Variants in MDN1 observed in about 807,000 individuals in gnomAD.
MDN1 encodes the protein midasin.
In MDN1, 266 loss-of-function variants were observed where a neutral mutation model predicts 669.2. The ratio of observed to expected loss-of-function variants is 0.40; its 90% CI spans 0.36 to 0.44. The LOEUF is 0.44. MDN1 is among the 20% of genes least tolerant of loss of function. The pLI is 1.00. For synonymous variants in MDN1, 2,385 were observed against 2,457.1 expected, an observed-to-expected ratio of 0.97 and a Z score of 0.87; for missense variants, 5,940 against 6,754.0, an observed-to-expected ratio of 0.88 and a Z score of 4.22.
chr6:89,708,845 T>G (rs1813692555), intron 50 of MDN1, among the ~76,000 whole-genome samples: 1 of 152,138 alleles, frequency 6.6e-6, no homozygotes, highest in Admixed American at 6.5e-5. Context: ...GCAAAGTATC[T>G]GTATGTCCTG....
chr6:89,712,809 T>C, intron 47 of MDN1, 23 bp from the exon 48 acceptor site: 1 of 1,599,588 alleles, frequency 6.3e-7, no homozygotes, highest in Non-Finnish European at 8.6e-7. Context: ...AAAAACACAA[T>C]ACAGTGGTAC....
At chr6:89,648,418 G>T (rs1178238646) in intron 97 of MDN1, 89 bp from the exon 98 acceptor site, 2 of 1,285,198 alleles carry the variant, frequency 1.6e-6, no homozygotes, top group Non-Finnish European at 2.2e-6. Context: ...GATTCCCAAA[G>T]AAAACATTTT....
At chr6:89,726,323 G>C (rs1281695978) in intron 37 of MDN1, among the ~76,000 whole-genome samples, 2 of 151,786 alleles carry the variant, frequency 1.3e-5, no homozygotes, top group African/African-American at 4.8e-5. Flanking sequence ...TAGACATTGT[G>C]GTGCATGACT....
At chr6:89,667,464 T>C (rs905651464) in intron 84 of MDN1, among the ~76,000 whole-genome samples, 1 of 152,186 alleles carries the variant, frequency 6.6e-6, no homozygotes, top group Non-Finnish European at 1.5e-5. Context: ...AGAATATAAG[T>C]GATACACCCA....
At chr6:89,704,696 C>T (rs1243838605) in intron 53 of MDN1, among the ~76,000 whole-genome samples, 5 of 152,136 alleles carry the variant, frequency 3.3e-5, no homozygotes, top group Non-Finnish European at 7.3e-5. Context: ...AAGCGATTCT[C>T]CTGCCTCTCG....
rs748290550 is a variant in MDN1, at chr6:89,794,134, A to G, written c.628T>C (p.Phe210Leu). The stretch of plus-strand genomic sequence containing the variant: ...AAATGGATCAATTCATCACTATTAA[A>G]TATCTTCTTAAGAAATGATAACTTG... ...EHKLSFLKKI[F>L]NSDELIHFRL... Residue 210 changes from phenylalanine (F) to leucine (L), a missense_variant, in exon 4 of 102, where the codon TTT becomes CTT. Phe to Leu is a conservative substitution (Grantham distance 22). Transcript: ENST00000369393. The G allele has an allele frequency of 3.7e-6, 6 of 1,603,440 alleles. No homozygotes were observed. The Admixed American group carries it at 8.7e-5, about 23-fold the overall frequency.
chr6:89,695,587 T>TGA lies in MDN1; in HGVS notation c.9771+17_9771+18insTC, dbSNP rs773124077. The TGA allele has an allele frequency of 2.3e-5, 36 of 1,566,400 alleles. No individual in the cohort carries two copies. The Admixed American group carries it at 5.7e-4, about 25-fold the overall frequency. ...CGTCAGGGAAGGAGCCCATGCTCCA[T>TGA]ACTCTTGCCTCCCATACCTCTTCCT... On this transcript the variant is annotated intron_variant, in intron 61 of 101. Coordinates refer to ENST00000369393, the MANE Select transcript of MDN1 (RefSeq NM_014611.3). This position sits in a 1 kb window ranked among gnomAD's most constrained non-coding sequence, Gnocchi z 4.1.
Position 89,702,012 on chromosome 6 carries a change from G to T in MDN1, c.8198C>A (p.Thr2733Lys), listed in dbSNP as rs200819138. The T allele has an allele frequency of 1.2e-6, 2 of 1,613,840 alleles. No individual in the cohort carries two copies. The highest frequency in any genetic ancestry group is 4.5e-5 in the East Asian group (2 of 44,888). Residue 2733 changes from threonine to lysine, a missense_variant, in exon 54 of 102, where the codon ACA becomes AAA. By Grantham distance (78) the Thr-to-Lys change is moderately conservative. Transcript: ENST00000369393. The stretch of plus-strand genomic sequence containing the variant: ...CAGACCTGGGGCATCTACTTTTACT[G>T]TGTCGGCCACAGTCCAGAACCGGTC... ...WRDRFWTVAD[T>K]VKVDAPGLAL...
intron 86 of MDN1, 94 bp from the exon 87 acceptor site, chr6:89,662,333 A>G (rs1584114583): frequency 7.6e-7 from 1 of 1,310,802 alleles, no homozygotes; most frequent in Non-Finnish European, 1.0e-6. Context: ...ATTTCTGCCT[A>G]TTGGACCTAT....
intron 83 of MDN1, among the ~76,000 whole-genome samples, chr6:89,670,115 T>C (rs2128303415): frequency 7.4e-6 from 1 of 135,918 alleles, no homozygotes; most frequent in South Asian, 2.4e-4. Context: ...AATTACAATT[T>C]TGGAGACTCT....
At chr6:89,734,717 A>G (rs1815839031) in intron 33 of MDN1, among the ~76,000 whole-genome samples, 2 of 100,514 alleles carry the variant, frequency 2.0e-5, no homozygotes, top group East Asian at 5.6e-4. Flanking sequence ...GAGAGAGAGA[A>G]CTCCCTGATG....
At chr6:89,689,450 A>G (rs1444433218) in intron 65 of MDN1, among the ~76,000 whole-genome samples, 3 of 152,234 alleles carry the variant, frequency 2.0e-5, no homozygotes, top group Non-Finnish European at 4.4e-5. Flanking sequence ...GGAAACTGCA[A>G]TGAACCAACT....
Position 89,690,834 on chromosome 6 carries a change from C to G in MDN1, c.10588G>C (p.Glu3530Gln). 6.2e-7 allele frequency: 1 copy of G among 1,613,668 alleles called. No homozygotes were observed. Among genetic ancestry groups the G allele is most frequent in the Non-Finnish European group, 8.5e-7 (1 of 1,179,830 alleles). ...TGCTCATCCCACTCACTGATGATTT[C>G]CTGAAAGTCACACAGACAGAAAGAA... ...ALQLFRHVCQ[E>Q]IISEWDEQER... The change falls in exon 64 of 102, where the codon GAA (glutamate) becomes CAA (glutamine). Residue 3530 changes from glutamate (E) to glutamine (Q), a missense_variant and splice_region_variant. This residue lies in a region of MDN1 where 2,280 missense variants were observed against 2,576.3 expected (regional missense o/e 0.88). Coordinates refer to ENST00000369393, the MANE Select transcript of MDN1 (RefSeq NM_014611.3).
chr6:89,818,755 G>A (rs918925322), intron 1 of MDN1, among the ~76,000 whole-genome samples: 1 of 151,448 alleles, frequency 6.6e-6, no homozygotes, highest in Non-Finnish European at 1.5e-5. Context: ...GGTGCAGTAA[G>A]CCGAGATCGC....
At position 89,751,557 on chromosome 6, in the gene MDN1, C is replaced by A; in HGVS notation, c.3101G>T (p.Arg1034Leu). The A allele has an allele frequency of 1.2e-6, 2 of 1,614,060 alleles. No homozygotes were observed. Among genetic ancestry groups the A allele is most frequent in the Non-Finnish European group, 1.7e-6 (2 of 1,180,008 alleles). Residue 1034 changes from arginine to leucine, a missense_variant, in exon 23 of 102, where the codon CGG (arginine) becomes CTG (leucine). By Grantham distance (102) the Arg-to-Leu change is moderately radical. Coordinates refer to ENST00000369393, the MANE Select transcript of MDN1 (RefSeq NM_014611.3). ...KQPIPEPKGGRLIQVEGYWIA... is the reference protein window; with the variant it reads ...KQPIPEPKGGLLIQVEGYWIA... ...CCAGTAGCCTTCAACCTGGATAAGC[C>A]GACCTCCTTTTGGCTCTGGAATAGG...
Position 89,751,598 on chromosome 6 carries a change from G to C in MDN1, c.3076-16C>G. The C allele has an allele frequency of 6.2e-7, 1 of 1,611,216 alleles. No homozygotes were observed. Among genetic ancestry groups the C allele is most frequent in the Non-Finnish European group, 8.5e-7 (1 of 1,178,846 alleles). ...CTGGAATAGGCTGAAAGACACAGAA[G>C]TTCAAGGAATAACCCACAGTTGTAC... On this transcript the variant is annotated splice_polypyrimidine_tract_variant and intron_variant, in intron 22 of 101. Coordinates refer to ENST00000369393, the MANE Select transcript of MDN1 (RefSeq NM_014611.3).
At chr6:89,722,344 T>C (rs1391099106) in intron 40 of MDN1, among the ~76,000 whole-genome samples, 2 of 152,228 alleles carry the variant, frequency 1.3e-5, no homozygotes, top group East Asian at 3.8e-4. Context: ...CCTGTCTGCC[T>C]CCTCCTGCTT....
intron 92 of MDN1, among the ~76,000 whole-genome samples, chr6:89,655,467 A>C (rs1172296309): frequency 6.6e-6 from 1 of 152,246 alleles, no homozygotes; most frequent in East Asian, 1.9e-4. Flanking sequence ...TAAAGAGTTT[A>C]TACTAAACCA....
At chr6:89,750,139 C>T (rs929058228) in intron 24 of MDN1, among the ~76,000 whole-genome samples, 4 of 152,136 alleles carry the variant, frequency 2.6e-5, no homozygotes, top group Non-Finnish European at 4.4e-5. Context: ...AAAATTGGCC[C>T]TAGTCCTGTA....
Sources: gnomAD v4.1 joint callset for allele counts (sites outside exome capture counted in the v4.1 genomes callset) on GRCh38, gnomAD v4.1.1 for gene constraint, gnomAD v4.1.1 regional missense constraint, Gnocchi (gnomAD v3.1) non-coding constraint, MANE v1.5 for transcripts, NCBI Gene and HGNC (gene_info 2026-07-23, HGNC 2026-07-21) for gene names.